Variants in N4BP2L2 observed in about 807,000 individuals in gnomAD.
N4BP2L2 encodes NEDD4 binding protein 2 like 2.
N4BP2L2 carries 50 observed loss-of-function variants against 56.2 expected under a neutral mutation model. The ratio of observed to expected loss-of-function variants is 0.89; its 90% CI spans 0.71 to 1.13. The LOEUF (loss-of-function observed/expected upper bound fraction) is 1.13. N4BP2L2 is among the 50% of genes most tolerant of loss of function. The pLI is 0.00. For missense variants in N4BP2L2, 689 were observed against 693.8 expected, an observed-to-expected ratio of 0.99 and a Z score of 0.08; for synonymous variants, 203 against 223.6, an observed-to-expected ratio of 0.91 and a Z score of 0.82.
At chr13:32,497,857 C>T (rs756008014) in intron 6 of N4BP2L2, among the ~76,000 whole-genome samples, 3 of 152,244 alleles carry the variant, frequency 2.0e-5, no homozygotes, top group Non-Finnish European at 4.4e-5. Context: ...CTCTAGTATG[C>T]TGCACACCAA....
intron 6 of N4BP2L2, among the ~76,000 whole-genome samples, chr13:32,462,686 A>T (rs969156643): frequency 1.3e-5 from 2 of 152,056 alleles, no homozygotes; most frequent in Non-Finnish European, 2.9e-5. Context: ...ACTGATTATT[A>T]GACATTCTAT....
intron 6 of N4BP2L2, among the ~76,000 whole-genome samples, chr13:32,480,012 A>G (rs923709696): frequency 6.6e-6 from 1 of 151,898 alleles, no homozygotes; most frequent in East Asian, 1.9e-4. Context: ...CCACAGATTA[A>G]AAAAAAATGT....
chr13:32,497,037 G>A (rs1278530152), intron 6 of N4BP2L2, among the ~76,000 whole-genome samples: 1 of 152,158 alleles, frequency 6.6e-6, no homozygotes, highest in Non-Finnish European at 1.5e-5. Flanking sequence ...AAATTAAAGT[G>A]AACTCCTGCT....
intron 2 of N4BP2L2, among the ~76,000 whole-genome samples, chr13:32,534,472 T>C (rs906555191): frequency 2.0e-4 from 30 of 152,278 alleles, no homozygotes; most frequent in African/African-American, 7.2e-4. Context: ...TGATGGTATA[T>C]CCCAAATCTA....
At chr13:32,478,223 C>T (rs1566094680) in intron 6 of N4BP2L2, 6 of 390,970 alleles carry the variant, frequency 1.5e-5, no homozygotes, top group East Asian at 7.4e-5. Flanking sequence ...ATTTAAGAAG[C>T]GTACCACTGC....
rs773044267 is a variant in N4BP2L2, at chr13:32,535,808, A to C, written c.1220T>G (p.Leu407Ter). ...TTTCCCAGAACCAGGCAGACCTCTT[A>C]AAAGAATAAGTAACTTCTGCAATTT... Residue 407 changes from leucine to a stop codon, truncating the protein, a stop_gained, in exon 2 of 6, where the codon TTA becomes TGA. Coordinates refer to ENST00000267068, the Ensembl canonical transcript of N4BP2L2. LOFTEE classifies it high-confidence loss of function. The C allele has an allele frequency of 6.2e-7, 1 of 1,614,130 alleles. No individual in the cohort carries two copies. The highest frequency in any genetic ancestry group is 8.5e-7 in the Non-Finnish European group (1 of 1,179,996).
At chr13:32,481,342 T>C (rs1456474349) in intron 6 of N4BP2L2, among the ~76,000 whole-genome samples, 1 of 152,110 alleles carries the variant, frequency 6.6e-6, no homozygotes, top group Non-Finnish European at 1.5e-5. Context: ...CTGCCAGCAA[T>C]GGCTCCTAAA....
intron 3 of N4BP2L2, chr13:32,523,350 C>G (rs1241058519): frequency 6.7e-6 from 1 of 148,948 alleles, no homozygotes; most frequent in African/African-American, 2.5e-5. Flanking sequence ...CAAGATGACG[C>G]CGCAGCACTA....
chr13:32,470,149 A>ATGT (rs1458237087), intron 6 of N4BP2L2, among the ~76,000 whole-genome samples: 1 of 151,910 alleles, frequency 6.6e-6, no homozygotes, highest in Non-Finnish European at 1.5e-5. Flanking sequence ...CTGGGGGTGG[A>ATGT]TGTTTTGCAC....
At chr13:32,492,916 G>GTCTTTTTTTT (rs2087522013) in intron 6 of N4BP2L2, among the ~76,000 whole-genome samples, 1 of 107,516 alleles carries the variant, frequency 9.3e-6, no homozygotes, top group African/African-American at 3.7e-5. Context: ...TAGCTTTTCT[G>GTCTTTTTTTT]TTTTTTTTTT....
At chr13:32,461,562 T>A (rs948560251) in intron 6 of N4BP2L2, among the ~76,000 whole-genome samples, 1 of 152,080 alleles carries the variant, frequency 6.6e-6, no homozygotes, top group South Asian at 2.1e-4. Flanking sequence ...GAAATGAATA[T>A]CAAAACCACA....
At chr13:32,491,197 G>T (rs2086988517) in intron 6 of N4BP2L2, among the ~76,000 whole-genome samples, 1 of 152,050 alleles carries the variant, frequency 6.6e-6, no homozygotes, top group Non-Finnish European at 1.5e-5. Context: ...GGTCTCAAAT[G>T]ACTCTTCCTG....
intron 6 of N4BP2L2, among the ~76,000 whole-genome samples, chr13:32,461,422 C>T (rs367662945): frequency 2.0e-4 from 30 of 151,950 alleles, no homozygotes; most frequent in East Asian, 9.7e-4. Flanking sequence ...GCAACCCAAA[C>T]GCAAAACAAA....
At chr13:32,529,456 GTCTA>G (rs2054004238) in intron 2 of N4BP2L2, among the ~76,000 whole-genome samples, 1 of 152,088 alleles carries the variant, frequency 6.6e-6, no homozygotes, top group Non-Finnish European at 1.5e-5. Flanking sequence ...TCCAAAACAT[GTCTA>G]TCTGACATAT....
At chr13:32,503,971 G>A (rs538368223) in intron 6 of N4BP2L2, among the ~76,000 whole-genome samples, 11 of 152,158 alleles carry the variant, frequency 7.2e-5, no homozygotes, top group African/African-American at 2.7e-4. Context: ...ACTCTAGCCT[G>A]GCAGCCTGGG....
intron 9 of N4BP2L2, chr13:32,436,305 G>T: frequency 1.2e-6 from 1 of 837,776 alleles, no homozygotes; most frequent in Non-Finnish European, 1.8e-6. Context: ...AACAAATAAT[G>T]TCAAGATTAA....
chr13:32,529,657 GTT>G (rs11340287), intron 2 of N4BP2L2, among the ~76,000 whole-genome samples: 9 of 145,884 alleles, frequency 6.2e-5, no homozygotes, highest in African/African-American at 7.6e-5. Context: ...TTCCTTTTTT[GTT>G]TTTTTTTTTG....
intron 6 of N4BP2L2, among the ~76,000 whole-genome samples, chr13:32,463,537 G>A (rs1414049007): frequency 2.0e-5 from 3 of 151,746 alleles, no homozygotes; most frequent in Admixed American, 6.6e-5. Flanking sequence ...GGTGGCAGGC[G>A]CCTGTAATCC....
At chr13:32,519,484 C>CATGTTT (rs753953474) in intron 5 of N4BP2L2, among the ~76,000 whole-genome samples, 8 of 151,938 alleles carry the variant, frequency 5.3e-5, no homozygotes, top group African/African-American at 9.7e-5. Flanking sequence ...GGTGAAACTC[C>CATGTTT]GTCTCTACTA....
Sources: allele counts gnomAD v4.1 joint callset (sites outside exome capture counted in the v4.1 genomes callset), GRCh38; gene constraint gnomAD v4.1.1; transcripts MANE v1.5; gene names NCBI Gene and HGNC (gene_info 2026-07-23, HGNC 2026-07-21).